COX11: variants seen among roughly 807,000 people sequenced by gnomAD.
The protein encoded by COX11 is cytochrome c oxidase assembly protein COX11, mitochondrial.
Under a neutral mutation model 29.4 loss-of-function variants are expected in COX11, and 18 were observed. The observed-to-expected ratio is 0.61, with a 90% CI of 0.42 to 0.91. COX11 has a LOEUF of 0.91. COX11 is among the 40% of genes least tolerant of loss of function. The probability of loss-of-function intolerance (pLI) is 0.00; values close to 1 mark genes in which losing one functional copy is unlikely to be tolerated. For synonymous variants in COX11, 131 were observed against 124.0 expected, an observed-to-expected ratio of 1.06 and a Z score of -0.38; for missense variants, 312 against 346.0, an observed-to-expected ratio of 0.90 and a Z score of 0.78.
At chr17:54,953,901 G>C (rs2049359985) in exon 1 of COX11, 3 of 152,172 alleles carry the variant, frequency 2.0e-5, no homozygotes, top group Admixed American at 2.0e-4. Flanking sequence ...GGGTCCCAAG[G>C]GGTGTAATTC....
chr17:54,964,957 C>T, intron 1 of COX11, 105 bp from the exon 2 acceptor site: 1 of 1,129,052 alleles, frequency 8.9e-7, no homozygotes, highest in Non-Finnish European at 1.3e-6. Context: ...CCATTTGGAG[C>T]CAAGTTTACA....
rs201796111 is a variant in COX11 at position 54,968,521 on chromosome 17, C to A, written c.126G>T (p.Gly42=). 6.2e-7 allele frequency: 1 copy of A among 1,613,348 alleles called. No homozygotes were observed. The highest frequency in any genetic ancestry group is 1.3e-5 in the African/African-American group (1 of 74,996). The part of the protein sequence containing the change: ...VEPFLRPEWS[G]TGGAERGLRW... ...TCAGTCCTCTCTCGGCACCTCCTGTCCCACTCCACTCTGGCCTAAGAAACG... is the reference window on the plus strand; with the variant it reads ...TCAGTCCTCTCTCGGCACCTCCTGTACCACTCCACTCTGGCCTAAGAAACG... Residue 42 remains glycine, a synonymous_variant, in exon 1 of 4, where the codon GGG becomes GGT. Coordinates refer to ENST00000299335, the MANE Select transcript of COX11 (RefSeq NM_004375.5).
intron 1 of COX11, 116 bp from the exon 2 acceptor site, chr17:54,964,968 T>C: frequency 1.1e-6 from 1 of 928,040 alleles, no homozygotes; most frequent in South Asian, 1.7e-5. Context: ...CAAGTTTACA[T>C]ATGGTAACTG....
In COX11 at chr17:54,962,051, T is replaced by C. The variant is rs2077139535; in HGVS notation, c.*682A>G. ...TCCCACCTGTACATTTTAACATTCA[T>C]GGACTTGTAATGGTGATGCTTTGGC... is the stretch of plus-strand genomic sequence containing the variant. On this transcript the variant is annotated 3_prime_UTR_variant, in exon 4 of 4. Transcript: ENST00000299335. The C allele has an allele frequency of 3.0e-6, 3 of 984,578 alleles. No individual in the cohort carries two copies. The South Asian group carries it at 1.4e-4, about 46-fold the overall frequency. The allele number at this position is 984,578 out of a possible 1,614,324, so 61.0% of individuals were successfully genotyped here.
rs2077101227 is a variant in COX11, at chr17:54,960,777, T to C, written c.*1956A>G. The C allele has an allele frequency of 3.1e-6, 2 of 643,712 alleles. No individual in the cohort carries two copies. The highest frequency in any genetic ancestry group is 2.7e-5 in the East Asian group (1 of 36,498). 39.9% of individuals were successfully genotyped at this position (643,712 alleles called of 1,614,324 possible). ...TTCCCCTGAATCATTCAAATTGTGC[T>C]GAACCATTGTTCACTAATGAGAGTC... On this transcript the variant is annotated 3_prime_UTR_variant, in exon 4 of 4. Coordinates refer to ENST00000299335, the MANE Select transcript of COX11 (RefSeq NM_004375.5).
In COX11 at chr17:54,962,227, C is replaced by A. The variant is rs2077142894; in HGVS notation, c.*506G>T. The A allele has an allele frequency of 1.3e-5, 13 of 984,168 alleles. No individual in the cohort carries two copies. Among genetic ancestry groups the A allele is most frequent in the African/African-American group, 1.7e-5 (1 of 57,184 alleles). The allele number at this position is 984,168 out of a possible 1,614,324, so 61.0% of individuals were successfully genotyped here. ...TAAATCTTTGGACAAGCTGTTAGGG[C>A]TTAGTGACTCCTCTTCTACTTTGAG... is the stretch of plus-strand genomic sequence containing the variant. On this transcript the variant is annotated 3_prime_UTR_variant, in exon 4 of 4. Transcript: ENST00000299335.
downstream of COX11, among the ~76,000 whole-genome samples, chr17:54,956,440 G>A (rs1162858859): frequency 2.0e-5 from 3 of 151,968 alleles, no homozygotes; most frequent in African/African-American, 7.3e-5. Context: ...GAGTAGCTGG[G>A]GACTACAAGC....
chr17:54,962,365 T>A lies in COX11; in HGVS notation c.*368A>T, dbSNP rs968702034. ...GACTTGAAACAAATAACCCTGAGCA[T>A]ACATTTTTGAAAAACATTGTCAGAT... is the stretch of plus-strand genomic sequence containing the variant. On this transcript the variant is annotated 3_prime_UTR_variant, in exon 4 of 4. Coordinates refer to ENST00000299335, the MANE Select transcript of COX11 (RefSeq NM_004375.5). 1.0e-6 allele frequency: 1 copy of A among 993,986 alleles called. No homozygotes were observed. The highest frequency in any genetic ancestry group is 1.7e-5 in the African/African-American group (1 of 57,338). The allele number at this position is 993,986 out of a possible 1,614,324, so 61.6% of individuals were successfully genotyped here. A position where few individuals can be genotyped will look rare whatever the true frequency, so the allele number is the denominator to read the frequency against.
chr17:54,963,141 G>C, intron 3 of COX11, 165 bp downstream of exon 3: 1 of 839,474 alleles, frequency 1.2e-6, no homozygotes, highest in South Asian at 1.9e-5. Context: ...CATTTGGTTT[G>C]GTTCTCAATC....
At chr17:54,955,335 A>G (rs937117461), upstream of COX11, among the ~76,000 whole-genome samples, 44 of 152,254 alleles carry the variant, frequency 2.9e-4, 1 homozygote, top group African/African-American at 9.6e-4. Context: ...TAAATCAATC[A>G]AGTGAGTGAG....
chr17:54,960,998 G>A lies in COX11; in HGVS notation c.*1735C>T. On this transcript the variant is annotated 3_prime_UTR_variant, in exon 4 of 4. Transcript: ENST00000299335. ...TACCGTTAGTCCTCCAAATAGGTCT[G>A]AATTTTTCCTATTTTCAGCACTACT... 1 of 559,670 alleles carries A rather than the reference G, an allele frequency of 1.8e-6. No homozygotes were observed. 34.7% of individuals were successfully genotyped at this position (559,670 alleles called of 1,614,324 possible). A position where few individuals can be genotyped will look rare whatever the true frequency, so the allele number is the denominator to read the frequency against.
chr17:54,960,421 C>A (rs2077089750), downstream of COX11: 2 of 640,994 alleles, frequency 3.1e-6, no homozygotes, highest in South Asian at 3.8e-5. Flanking sequence ...AGAATACACA[C>A]TTCAGGGCAG....
At position 54,967,367 on chromosome 17, in the gene COX11, G is replaced by C. The variant is rs7215811; in HGVS notation, c.366+914C>G. 5.8e-3 allele frequency among the ~76,000 whole-genome samples: 886 copies of C among 152,172 alleles called. 10 individuals carry two copies. The highest frequency in any genetic ancestry group is 0.02 in the African/African-American group (824 of 41,526). ...GTCCCTACCCTAGACTTCCTAACCA[G>C]AATCTCTGGGGTAGGGGATCCCTGG... On this transcript the variant is annotated intron_variant, in intron 1 of 3. Transcript: ENST00000299335.
chr17:54,955,716 C>G (rs1304547616), downstream of COX11, among the ~76,000 whole-genome samples: 2 of 152,068 alleles, frequency 1.3e-5, no homozygotes, highest in Non-Finnish European at 2.9e-5. Flanking sequence ...GAAGGAACTT[C>G]TTTTTCTCAA....
At chr17:54,962,947 T>C in intron 3 of COX11, 32 bp from the exon 4 acceptor site, 1 of 1,563,148 alleles carries the variant, frequency 6.4e-7, no homozygotes, top group Non-Finnish European at 8.8e-7. Flanking sequence ...TAATAACATT[T>C]CTATTCTCGT....
At chr17:54,957,532 A>C (rs1022949997), downstream of COX11, 2 of 152,146 alleles carry the variant, frequency 1.3e-5, no homozygotes, top group African/African-American at 4.8e-5. Context: ...GGTGGGAGAG[A>C]CAGTAAAAAG....
Position 54,961,610 on chromosome 17 carries a change from T to C in COX11, c.*1123A>G, listed in dbSNP as rs1263682679. 4.3e-6 allele frequency: 5 copies of C among 1,154,542 alleles called. No individual in the cohort carries two copies. In the African/African-American group the frequency reaches 4.8e-5, roughly 11 times the overall value. The allele number at this position is 1,154,542 out of a possible 1,614,324, so 71.5% of individuals were successfully genotyped here. ...TTACTATGAAATAATTCTGAATAGA[T>C]GAAAGCATAAAATGTGAGAAACTGA... On this transcript the variant is annotated 3_prime_UTR_variant, in exon 4 of 4. Coordinates refer to ENST00000299335, the MANE Select transcript of COX11 (RefSeq NM_004375.5).
chr17:54,960,221 T>C (rs2077081471), downstream of COX11, among the ~76,000 whole-genome samples: 1 of 151,918 alleles, frequency 6.6e-6, no homozygotes, highest in African/African-American at 2.4e-5. Flanking sequence ...AAAAATTAGC[T>C]GGGCATGGTT....
intron 3 of COX11, 25 bp from the exon 4 acceptor site, chr17:54,962,940 T>A: frequency 6.4e-7 from 1 of 1,570,266 alleles, no homozygotes; most frequent in East Asian, 2.2e-5. Context: ...AAGATTTTAA[T>A]AACATTTCTA....
Sources: gnomAD v4.1 joint callset for allele counts (sites outside exome capture counted in the v4.1 genomes callset) on GRCh38, gnomAD v4.1.1 for gene constraint, MANE v1.5 for transcripts, NCBI Gene and HGNC (gene_info 2026-07-23, HGNC 2026-07-21) for gene names.